Variants in OR2L13 observed in about 807,000 individuals in gnomAD.
OR2L13 encodes the protein olfactory receptor 2L13.
In OR2L13, 14 loss-of-function variants were observed where a neutral mutation model predicts 15.3. The ratio of observed to expected loss-of-function variants is 0.91; its 90% CI spans 0.60 to 1.43. OR2L13 has a LOEUF of 1.43. Ranked by LOEUF, OR2L13 falls within the 40% of genes most tolerant of loss-of-function variation. The pLI is 0.00. For missense variants in OR2L13, 367 were observed against 387.9 expected (o/e 0.95, Z 0.45); for synonymous variants, 152 against 142.9 (o/e 1.06, Z -0.45).
chr1:248,015,799 G>T, the OR2L13 span, among the ~76,000 whole-genome samples: 2 of 152,070 alleles, frequency 1.3e-5, no homozygotes, highest in African/African-American at 4.8e-5. Context: ...CACATTTTCT[G>T]TGCCTATGCA....
At chr1:248,053,696 C>A in the OR2L13 span, among the ~76,000 whole-genome samples, 2 of 152,170 alleles carry the variant, frequency 1.3e-5, no homozygotes, top group Non-Finnish European at 2.9e-5. Context: ...ATTTGCATTT[C>A]TCCAATGATC....
the OR2L13 span, chr1:247,991,046 G>A: frequency 5.1e-6 from 8 of 1,559,774 alleles, no homozygotes; most frequent in African/African-American, 5.4e-5. Context: ...ACCTATCTAC[G>A]CCCAAGATCC....
chr1:248,011,791 T>G, the OR2L13 span, among the ~76,000 whole-genome samples: 1 of 152,148 alleles, frequency 6.6e-6, no homozygotes, highest in Admixed American at 6.6e-5. Flanking sequence ...TACCACTCCA[T>G]GGGCAATTGA....
upstream of OR2L13, among the ~76,000 whole-genome samples, chr1:248,096,422 G>A (rs181052384): frequency 1.1e-4 from 16 of 151,872 alleles, no homozygotes; most frequent in Admixed American, 3.3e-4. Flanking sequence ...AACTAAAAAT[G>A]TAAAAAAAGG....
At chr1:248,000,653 G>GT in the OR2L13 span, among the ~76,000 whole-genome samples, 186 of 145,278 alleles carry the variant, frequency 1.3e-3, no homozygotes, top group East Asian at 8.7e-3. Context: ...TTATATGGCT[G>GT]TTTTTTTTTT....
the OR2L13 span, among the ~76,000 whole-genome samples, chr1:248,065,616 G>C: frequency 1.5e-5 from 2 of 129,076 alleles, no homozygotes; most frequent in African/African-American, 5.9e-5. Context: ...CCCGATGTGT[G>C]ATGTTCCCCT....
At chr1:247,973,560 A>G in the OR2L13 span, among the ~76,000 whole-genome samples, 2 of 152,142 alleles carry the variant, frequency 1.3e-5, no homozygotes, top group Non-Finnish European at 2.9e-5. Context: ...ACCTAGGAAT[A>G]CAACTTACAA....
chr1:247,949,341 G>T, the OR2L13 span: 1 of 1,612,938 alleles, frequency 6.2e-7, no homozygotes, highest in Non-Finnish European at 8.5e-7. Flanking sequence ...CACTGTATAT[G>T]TACTCCATAT....
At chr1:248,017,148 T>C in the OR2L13 span, among the ~76,000 whole-genome samples, 1 of 152,212 alleles carries the variant, frequency 6.6e-6, no homozygotes. Context: ...CCCAGGTATA[T>C]ACATTTTAGA....
the OR2L13 span, among the ~76,000 whole-genome samples, chr1:248,018,591 G>A: frequency 6.6e-6 from 1 of 152,110 alleles, no homozygotes; most frequent in Non-Finnish European, 1.5e-5. Context: ...AATGTATTTG[G>A]AATTCCAAAT....
the OR2L13 span, among the ~76,000 whole-genome samples, chr1:248,078,210 C>T: frequency 1.1e-4 from 16 of 152,202 alleles, no homozygotes; most frequent in African/African-American, 3.1e-4. Context: ...TGGCTGGGCG[C>T]GGTGCCTCAC....
the OR2L13 span, among the ~76,000 whole-genome samples, chr1:247,955,649 T>C: frequency 4.4e-3 from 621 of 141,914 alleles, 4 homozygotes; most frequent in African/African-American, 0.015. Flanking sequence ...TTCTAACTGG[T>C]GTGAGATGGT....
chr1:248,035,841 T>C, the OR2L13 span, among the ~76,000 whole-genome samples: 1 of 152,280 alleles, frequency 6.6e-6, no homozygotes, highest in East Asian at 1.9e-4. Context: ...CATTCCACTT[T>C]ATATCTGCAG....
At chr1:248,052,789 G>A in the OR2L13 span, among the ~76,000 whole-genome samples, 1 of 151,758 alleles carries the variant, frequency 6.6e-6, no homozygotes, top group East Asian at 1.9e-4. Context: ...TTCCAAAAAA[G>A]TCAAGATTTT....
At chr1:248,038,917 A>G in the OR2L13 span, 154 of 1,614,074 alleles carry the variant, frequency 9.5e-5, 1 homozygote, top group South Asian at 1.5e-3. Flanking sequence ...GCATGTTCCT[A>G]TGGCCGGGTT....
the OR2L13 span, among the ~76,000 whole-genome samples, chr1:248,007,301 G>T: frequency 6.6e-6 from 1 of 152,172 alleles, no homozygotes; most frequent in Non-Finnish European, 1.5e-5. Context: ...TGGCAGTGGA[G>T]ATAAAGAGGT....
chr1:248,076,554 T>C, the OR2L13 span, among the ~76,000 whole-genome samples: 12 of 152,320 alleles, frequency 7.9e-5, no homozygotes, highest in South Asian at 1.7e-3. Context: ...CTTGAAAAGG[T>C]CCTTCATATC....
chr1:248,026,600 A>C, the OR2L13 span, among the ~76,000 whole-genome samples: 7 of 152,226 alleles, frequency 4.6e-5, no homozygotes, highest in Admixed American at 4.6e-4. Flanking sequence ...GCGGGAAGTC[A>C]GGACCCCGAA....
At chr1:248,005,070 T>C in the OR2L13 span, among the ~76,000 whole-genome samples, 7 of 152,138 alleles carry the variant, frequency 4.6e-5, no homozygotes, top group Non-Finnish European at 8.8e-5. Flanking sequence ...TGCAAAAATA[T>C]AATTAGATAT....
Sources: gnomAD v4.1 joint callset for allele counts (sites outside exome capture counted in the v4.1 genomes callset) on GRCh38, gnomAD v4.1.1 for gene constraint, MANE v1.5 for transcripts, NCBI Gene and HGNC (gene_info 2026-07-23, HGNC 2026-07-21) for gene names.